Variants in TNPO1 observed in about 807,000 individuals in gnomAD.
TNPO1 encodes transportin-1.
TNPO1 carries 8 observed loss-of-function variants against 119.5 expected under a neutral mutation model. The observed-to-expected ratio is 0.07, with a 90% CI of 0.04 to 0.12. The LOEUF (loss-of-function observed/expected upper bound fraction) is 0.12, where lower values mean the gene tolerates loss of function less well. Among genes scored for constraint, TNPO1 ranks in the 10% least tolerant of loss-of-function variants. TNPO1 has a pLI of 1.00. For missense variants in TNPO1, 576 were observed against 1,089.8 expected (o/e 0.53, Z 6.64); for synonymous variants, 362 against 363.0 (o/e 1.00, Z 0.03).
At chr5:72,904,661 G>A (rs1750013607) in intron 23 of TNPO1, among the ~76,000 whole-genome samples, 1 of 152,140 alleles carries the variant, frequency 6.6e-6, no homozygotes, top group African/African-American at 2.4e-5. Flanking sequence ...GCTAGGGGTG[G>A]TGGCGGATGC....
chr5:72,907,805 A>C (rs1750274729), intron 24 of TNPO1, among the ~76,000 whole-genome samples: 1 of 152,092 alleles, frequency 6.6e-6, no homozygotes, highest in African/African-American at 2.4e-5. Flanking sequence ...GCATTTTGGG[A>C]GGCTGAGGTG....
chr5:72,903,830 C>A, intron 23 of TNPO1, 47 bp downstream of exon 23: 1 of 1,266,204 alleles, frequency 7.9e-7, no homozygotes, highest in Non-Finnish European at 1.1e-6. Context: ...CTGTTAATAT[C>A]CTAGTGGAAA....
intron 24 of TNPO1, among the ~76,000 whole-genome samples, chr5:72,907,229 A>G (rs1015883921): frequency 6.6e-6 from 1 of 152,192 alleles, no homozygotes; most frequent in Non-Finnish European, 1.5e-5. Flanking sequence ...GAGAATGCAA[A>G]AGATGAGAAT....
At chr5:72,861,140 A>G (rs948313795) in intron 4 of TNPO1, among the ~76,000 whole-genome samples, 3 of 151,966 alleles carry the variant, frequency 2.0e-5, no homozygotes, top group Non-Finnish European at 4.4e-5. Context: ...TGAACTCCCA[A>G]CCTCATGTGA....
intron 18 of TNPO1, among the ~76,000 whole-genome samples, chr5:72,894,748 T>A (rs1343158899): frequency 6.6e-6 from 1 of 152,228 alleles, no homozygotes; most frequent in African/African-American, 2.4e-5. Flanking sequence ...GATATAATTG[T>A]GCTTTTGGAT....
intron 5 of TNPO1, among the ~76,000 whole-genome samples, chr5:72,863,050 G>GT (rs774981106): frequency 1.7e-4 from 25 of 150,460 alleles, no homozygotes; most frequent in African/African-American, 2.2e-4. Flanking sequence ...TTTTTTTGGG[G>GT]TTTTTTTGCC....
chr5:72,892,800 A>G (rs1749159394), intron 15 of TNPO1, among the ~76,000 whole-genome samples: 1 of 152,194 alleles, frequency 6.6e-6, no homozygotes, highest in Non-Finnish European at 1.5e-5. Flanking sequence ...TGTGCCCAGT[A>G]AAGTCCATTC....
chr5:72,902,258 A>G (rs1442453636), intron 22 of TNPO1, among the ~76,000 whole-genome samples: 1 of 152,184 alleles, frequency 6.6e-6, no homozygotes, highest in African/African-American at 2.4e-5. Context: ...GAACATTTTT[A>G]AATTGTGACC....
chr5:72,913,151 T>C lies in TNPO1; in HGVS notation c.*4478T>C, dbSNP rs74618708. 2.6e-4 allele frequency: 40 copies of C among 152,668 alleles called. No homozygotes were observed. In the East Asian group the frequency reaches 7.3e-3, roughly 28 times the overall value. The allele number at this position is 152,668 out of a possible 1,614,324, so 9.5% of individuals were successfully genotyped here. A position where few individuals can be genotyped will look rare whatever the true frequency, so the allele number is the denominator to read the frequency against. The stretch of plus-strand genomic sequence containing the variant: ...ACAATATTATCTGGTAATAATACCA[T>C]GCAATATAGCGTTGTATACCAACTT... On this transcript the variant is annotated 3_prime_UTR_variant, in exon 25 of 25. Coordinates refer to ENST00000337273, the MANE Select transcript of TNPO1 (RefSeq NM_002270.4).
intron 6 of TNPO1, among the ~76,000 whole-genome samples, chr5:72,867,833 A>C (rs568132087): frequency 6.6e-6 from 1 of 152,380 alleles, no homozygotes; most frequent in Admixed American, 6.5e-5. Flanking sequence ...ACTATAGCTC[A>C]TTTTGACTCC....
chr5:72,878,741 C>T (rs774863747), intron 9 of TNPO1: 4 of 246,324 alleles, frequency 1.6e-5, no homozygotes, highest in African/African-American at 2.3e-5. Context: ...TTTAATGATA[C>T]GTTTGAGTTT....
At chr5:72,874,788 TACTTA>T (rs1449686668) in intron 7 of TNPO1, among the ~76,000 whole-genome samples, 1 of 152,228 alleles carries the variant, frequency 6.6e-6, no homozygotes, top group African/African-American at 2.4e-5. Flanking sequence ...CATTGGATGT[TACTTA>T]ACTTTTTAAA....
intron 1 of TNPO1, 194 bp downstream of exon 1, chr5:72,816,946 G>A: frequency 1.7e-6 from 1 of 591,668 alleles, no homozygotes; most frequent in Non-Finnish European, 2.7e-6. Context: ...GGCGCCCTGC[G>A]GGACCCGGGT....
At chr5:72,862,770 C>T (rs760903727) in intron 5 of TNPO1, among the ~76,000 whole-genome samples, 2 of 152,080 alleles carry the variant, frequency 1.3e-5, no homozygotes, top group Admixed American at 6.5e-5. Flanking sequence ...CTCAGCCTCC[C>T]GAGTAGCTGC....
At chr5:72,829,472 A>G (rs971955223) in intron 1 of TNPO1, among the ~76,000 whole-genome samples, 8 of 152,240 alleles carry the variant, frequency 5.3e-5, no homozygotes, top group Non-Finnish European at 8.8e-5. Context: ...TTCAAGTGAC[A>G]TGTAGCTTTC....
At chr5:72,844,278 G>A (rs1052888752) in intron 1 of TNPO1, among the ~76,000 whole-genome samples, 5 of 152,202 alleles carry the variant, frequency 3.3e-5, no homozygotes, top group African/African-American at 1.2e-4. Flanking sequence ...TGACACAGAA[G>A]AGAAATAGTA....
At chr5:72,901,792 G>A (rs905970959) in intron 22 of TNPO1, among the ~76,000 whole-genome samples, 6 of 152,190 alleles carry the variant, frequency 3.9e-5, no homozygotes, top group African/African-American at 1.2e-4. Flanking sequence ...AAGGAATCCT[G>A]TAGACAAGAG....
At chr5:72,902,539 T>G (rs1749869137) in intron 22 of TNPO1, among the ~76,000 whole-genome samples, 1 of 152,010 alleles carries the variant, frequency 6.6e-6, no homozygotes, top group Admixed American at 6.6e-5. Flanking sequence ...CTTAAGAACT[T>G]TGTGTGATCT....
chr5:72,870,376 G>A (rs1747296272), intron 6 of TNPO1, among the ~76,000 whole-genome samples: 1 of 152,064 alleles, frequency 6.6e-6, no homozygotes, highest in Non-Finnish European at 1.5e-5. Context: ...TGGCCAGCCT[G>A]GTCTCCAACT....
Sources: allele counts gnomAD v4.1 joint callset (sites outside exome capture counted in the v4.1 genomes callset), GRCh38; gene constraint gnomAD v4.1.1; transcripts MANE v1.5; gene names NCBI Gene and HGNC (gene_info 2026-07-23, HGNC 2026-07-21).